FAS: variants seen among roughly 807,000 people sequenced by gnomAD.
FAS encodes the protein Fas cell surface death receptor.
In FAS, 5 loss-of-function variants were observed where a neutral mutation model predicts 33.2. The observed-to-expected ratio is 0.15, with a 90% confidence interval of 0.08 to 0.32. The LOEUF is 0.32. Ranked by LOEUF, FAS falls within the 10% of genes least tolerant of loss-of-function variation. The probability of loss-of-function intolerance (pLI) is 1.00; values close to 1 mark genes in which losing one functional copy is unlikely to be tolerated. For missense variants in FAS, 339 were observed against 386.0 expected (o/e 0.88, Z 1.02); for synonymous variants, 131 against 130.7 (o/e 1.00, Z -0.01).
chr10:88,989,588 A>G (rs747453251), upstream of FAS: 1 of 539,564 alleles, frequency 1.9e-6, no homozygotes, highest in Non-Finnish European at 3.7e-6. Flanking sequence ...TGGTAAGTGC[A>G]GTGACAGATG....
upstream of FAS, chr10:88,990,757 A>G: frequency 7.8e-7 from 1 of 1,287,436 alleles, no homozygotes; most frequent in Non-Finnish European, 1.1e-6. The surrounding 1 kb of genome is among the most constrained non-coding windows in gnomAD (Gnocchi z 4.9). Context: ...CTGGCACGGA[A>G]CACACCCTGA....
At position 89,015,693 on chromosome 10, in the gene FAS, A is replaced by T; in HGVS notation, c.*1243A>T. On this transcript the variant is annotated 3_prime_UTR_variant, in exon 9 of 9. Coordinates refer to ENST00000652046, the MANE Select transcript of FAS (RefSeq NM_000043.6). The stretch of plus-strand genomic sequence containing the variant: ...CTGAAGCAGATACCTGGAACCACCT[A>T]AAGAACTTCCATTTATGGAGGATTT... The T allele has an allele frequency of 2.0e-6, 1 of 499,034 alleles. No individual in the cohort carries two copies. The highest frequency in any genetic ancestry group is 3.8e-6 in the Non-Finnish European group (1 of 260,286). 30.9% of individuals were successfully genotyped at this position (499,034 alleles called of 1,614,324 possible).
intron 2 of FAS, among the ~76,000 whole-genome samples, chr10:88,979,266 G>GA (rs377193003): frequency 5.6e-4 from 82 of 146,064 alleles, no homozygotes; most frequent in East Asian, 1.6e-3. Flanking sequence ...CAAAAAAGCA[G>GA]AAAAAAAAAA....
chr10:88,992,729 ATTGT>A (rs992326105), intron 1 of FAS, among the ~76,000 whole-genome samples: 1 of 152,170 alleles, frequency 6.6e-6, no homozygotes, highest in African/African-American at 2.4e-5. Context: ...CTAAGTAATC[ATTGT>A]TTACGTTTTG....
At chr10:89,006,116 T>C (rs1158931641) in intron 2 of FAS, among the ~76,000 whole-genome samples, 4 of 152,274 alleles carry the variant, frequency 2.6e-5, no homozygotes, top group Non-Finnish European at 5.9e-5. Flanking sequence ...ACCTGTGGTT[T>C]ACTGTATCTC....
rs1263230727 is a variant in FAS, at chr10:89,015,001, G to C, written c.*551G>C. Reference sequence around the variant, plus strand: ...TATTTGAGTGCAGAATTTAAATAAGGCTCTACCTCAAAGACCTTTGCACAG... The same window carrying C: ...TATTTGAGTGCAGAATTTAAATAAGCCTCTACCTCAAAGACCTTTGCACAG... On this transcript the variant is annotated 3_prime_UTR_variant, in exon 9 of 9. Coordinates refer to ENST00000652046, the MANE Select transcript of FAS (RefSeq NM_000043.6). 1 of 532,790 alleles carries C rather than the reference G, an allele frequency of 1.9e-6. No individual in the cohort carries two copies. Among genetic ancestry groups the C allele is most frequent in the Non-Finnish European group, 3.6e-6 (1 of 275,416 alleles). 33.0% of individuals were successfully genotyped at this position (532,790 alleles called of 1,614,324 possible). A position where few individuals can be genotyped will look rare whatever the true frequency, so the allele number is the denominator to read the frequency against.
At chr10:88,980,617 G>A (rs988205287) in intron 2 of FAS, among the ~76,000 whole-genome samples, 14 of 152,184 alleles carry the variant, frequency 9.2e-5, no homozygotes, top group African/African-American at 3.1e-4. Flanking sequence ...GTAGGTACTC[G>A]TAAGTATTCG....
At chr10:88,986,568 C>T (rs555324066), upstream of FAS, among the ~76,000 whole-genome samples, 1 of 152,006 alleles carries the variant, frequency 6.6e-6, no homozygotes, top group Non-Finnish European at 1.5e-5. Flanking sequence ...AGTTTTCCAG[C>T]CCTGGTCAGT....
intron 2 of FAS, chr10:88,974,786 G>A (rs990219366): frequency 2.0e-5 from 3 of 152,178 alleles, no homozygotes; most frequent in African/African-American, 7.2e-5. Context: ...TTGGGATCCT[G>A]ATTAATGCTC....
intron 4 of FAS, among the ~76,000 whole-genome samples, chr10:89,010,060 A>G (rs1589480757): frequency 6.6e-6 from 1 of 152,054 alleles, no homozygotes; most frequent in Non-Finnish European, 1.5e-5. Flanking sequence ...TCTCCTGATC[A>G]CCACCGGTTG....
chr10:88,970,824 A>G (rs1044223331), intron 1 of FAS, among the ~76,000 whole-genome samples: 2 of 152,168 alleles, frequency 1.3e-5, no homozygotes, highest in Admixed American at 6.5e-5. Context: ...CATATGTAAC[A>G]AACCTGCACG....
Position 89,007,775 on chromosome 10 carries a change from A to G in FAS, c.272A>G (p.Tyr91Cys). Reference sequence around the variant, plus strand: ...GTGCCCTGCCAAGAAGGGAAGGAGTACACAGACAAAGCCCATTTTTCTTCC... The same window carrying G: ...GTGCCCTGCCAAGAAGGGAAGGAGTGCACAGACAAAGCCCATTTTTCTTCC... ...DCVPCQEGKE[Y>C]TDKAHFSSKC... Residue 91 changes from tyrosine (Y) to cysteine (C), a missense_variant, in exon 3 of 9, where the codon TAC becomes TGC. Physicochemically the swap from Tyr to Cys is radical, Grantham distance 194. Transcript: ENST00000652046. 6.2e-7 allele frequency: 1 copy of G among 1,614,094 alleles called. No individual in the cohort carries two copies. The highest frequency in any genetic ancestry group is 8.5e-7 in the Non-Finnish European group (1 of 1,179,958).
intron 6 of FAS, among the ~76,000 whole-genome samples, chr10:89,011,329 A>G (rs1487556536): frequency 6.6e-6 from 1 of 152,224 alleles, no homozygotes; most frequent in East Asian, 1.9e-4. Context: ...AAAATTAGAT[A>G]TTATCATAAT....
intron 1 of FAS, among the ~76,000 whole-genome samples, chr10:88,970,896 T>C (rs1055651504): frequency 8.6e-5 from 13 of 151,842 alleles, no homozygotes; most frequent in Middle Eastern, 3.4e-3. Flanking sequence ...TGTGTGTGTG[T>C]GTATATATAT....
chr10:88,973,533 C>T, intron 2 of FAS: 1 of 426,582 alleles, frequency 2.3e-6, no homozygotes, highest in East Asian at 4.0e-5. Flanking sequence ...CACCTTGGCT[C>T]TGTTTGGGAT....
At chr10:89,012,911 G>A (rs1409601095) in intron 7 of FAS, 1 of 152,426 alleles carries the variant, frequency 6.6e-6, no homozygotes, top group Non-Finnish European at 1.5e-5. Context: ...TTCTTATTTG[G>A]GGCCAGGGCT....
At chr10:89,011,926 G>A in intron 6 of FAS, 73 bp from the exon 7 acceptor site, 1 of 1,265,866 alleles carries the variant, frequency 7.9e-7, no homozygotes. Flanking sequence ...ATTTCTCTTA[G>A]TGTGAAAGTA....
chr10:88,980,337 A>T (rs1292213022), intron 2 of FAS, among the ~76,000 whole-genome samples: 4 of 152,202 alleles, frequency 2.6e-5, no homozygotes, highest in African/African-American at 9.7e-5. Context: ...CTGAGGACTG[A>T]GGAGAGCACA....
chr10:88,983,630 AAAAAAAAAAC>A (rs1846773654), upstream of FAS, among the ~76,000 whole-genome samples: 1 of 147,696 alleles, frequency 6.8e-6, no homozygotes, highest in Non-Finnish European at 1.5e-5. Flanking sequence ...AAAAAAAAAA[AAAAAAAAAAC>A]ACACACACAC....
Sources: gnomAD v4.1 joint callset for allele counts (sites outside exome capture counted in the v4.1 genomes callset) on GRCh38, gnomAD v4.1.1 for gene constraint, Gnocchi (gnomAD v3.1) non-coding constraint, MANE v1.5 for transcripts, NCBI Gene and HGNC (gene_info 2026-07-23, HGNC 2026-07-21) for gene names.